The following TGIF1 variants were observed in gnomAD, a reference collection of about 807,000 sequenced individuals.
The protein encoded by TGIF1 is TGFB induced factor homeobox 1, also known as homeobox protein TGIF1.
Under a neutral mutation model 19.3 loss-of-function variants are expected in TGIF1, and 4 were observed. The observed-to-expected ratio is 0.21, with a 90% confidence interval of 0.10 to 0.47. The LOEUF (loss-of-function observed/expected upper bound fraction) is 0.47. TGIF1 is among the 20% of genes least tolerant of loss of function. The probability of loss-of-function intolerance (pLI) is 0.98; values close to 1 mark genes in which losing one functional copy is unlikely to be tolerated. For missense variants in TGIF1, 275 were observed against 341.4 expected (o/e 0.81, Z 1.53); for synonymous variants, 122 against 129.3 (o/e 0.94, Z 0.38).
chr18:3,415,346 G>T (rs371121858), intron 1 of TGIF1: 210 of 371,310 alleles, frequency 5.7e-4, no homozygotes, highest in African/African-American at 3.9e-3. Context: ...CTTATGATGC[G>T]CAAAAGCCTA....
chr18:3,435,487 C>T (rs773232340), intron 2 of TGIF1, among the ~76,000 whole-genome samples: 11 of 152,072 alleles, frequency 7.2e-5, no homozygotes, highest in South Asian at 2.1e-4. Flanking sequence ...TGTGAGCCAC[C>T]GCTCCCGGCC....
At chr18:3,423,002 T>C (rs1040313807) in intron 2 of TGIF1, among the ~76,000 whole-genome samples, 7 of 152,148 alleles carry the variant, frequency 4.6e-5, no homozygotes, top group African/African-American at 1.2e-4. Flanking sequence ...TTTTGTCTTT[T>C]ATGCCATATT....
chr18:3,448,456 AG>A, upstream of TGIF1: 1 of 992,518 alleles, frequency 1.0e-6, no homozygotes, highest in Non-Finnish European at 1.2e-6. Context: ...AGGTCCGGGA[AG>A]GAACTGTGCT....
At chr18:3,450,641 T>G (rs1290277796) in intron 1 of TGIF1, 136 bp downstream of exon 1, 2 of 1,512,898 alleles carry the variant, frequency 1.3e-6, no homozygotes, top group Non-Finnish European at 1.8e-6. Flanking sequence ...CCGTGCTCTT[T>G]GTTGAGGCTG....
chr18:3,445,756 G>GA (rs1568041628), upstream of TGIF1, among the ~76,000 whole-genome samples: 21 of 22,714 alleles, frequency 9.2e-4, no homozygotes, highest in African/African-American at 1.3e-3. Context: ...AAAAAAAAGA[G>GA]AAGAAAAGCA....
At chr18:3,439,774 A>G (rs1431642311) in intron 2 of TGIF1, among the ~76,000 whole-genome samples, 1 of 152,090 alleles carries the variant, frequency 6.6e-6, no homozygotes. Flanking sequence ...TAATCCCAGC[A>G]CTTGGGGAAG....
At chr18:3,421,961 A>G (rs2082403995) in intron 2 of TGIF1, among the ~76,000 whole-genome samples, 5 of 151,984 alleles carry the variant, frequency 3.3e-5, no homozygotes, top group South Asian at 2.1e-4. Context: ...TGCGAGGCTG[A>G]GGTGAGCAGA....
At chr18:3,430,790 G>A (rs2082537219) in intron 2 of TGIF1, among the ~76,000 whole-genome samples, 1 of 151,816 alleles carries the variant, frequency 6.6e-6, no homozygotes, top group African/African-American at 2.4e-5. Context: ...GGGATTATAG[G>A]CACAAGCCAC....
upstream of TGIF1, chr18:3,449,838 G>A: frequency 1.0e-6 from 1 of 985,494 alleles, no homozygotes; most frequent in Non-Finnish European, 1.2e-6. Context: ...TCCATCTGTT[G>A]CAGTTTCCGA....
At position 3,450,527 on chromosome 18, in the gene TGIF1, C is replaced by G. The variant is rs1163923772; in HGVS notation, c.16+22C>G. The G allele has an allele frequency of 7.1e-6, 11 of 1,558,866 alleles. No individual in the cohort carries two copies. In the Admixed American group the frequency reaches 1.9e-4, roughly 27 times the overall value. ...AAAGGTAAGGCGGCCGCGGGCTGCG[C>G]GCACCAGAAGACGCGAGTCCGGGGA... is the stretch of plus-strand genomic sequence containing the variant. On this transcript the variant is annotated intron_variant, in intron 1 of 2. Coordinates refer to ENST00000343820, the MANE Select transcript of TGIF1 (RefSeq NM_003244.4).
chr18:3,450,828 T>G (rs971322004), intron 1 of TGIF1, among the ~76,000 whole-genome samples: 27 of 152,286 alleles, frequency 1.8e-4, no homozygotes, highest in Admixed American at 1.6e-3. Context: ...GCCGCGTGGC[T>G]TCTCGCTCTT....
chr18:3,415,115 A>C (rs2082314705), intron 1 of TGIF1: 1 of 159,546 alleles, frequency 6.3e-6, no homozygotes, highest in African/African-American at 2.4e-5. Context: ...GGTCTCCCTC[A>C]ATGGCTGAGA....
At chr18:3,412,169 C>T (rs11571505) in exon 1 of TGIF1, 93,204 of 152,182 alleles carry the variant, frequency 0.61, 29,778 homozygotes, top group African/African-American at 0.81. Flanking sequence ...GCGGTTCCGG[C>T]CCCGCCGCGA....
At chr18:3,452,176 C>T (rs1383289602) in intron 1 of TGIF1, 1 of 1,613,304 alleles carries the variant, frequency 6.2e-7, no homozygotes, top group African/African-American at 1.3e-5. Context: ...GCGCCGTGGT[C>T]CTCCCTGGCG....
In TGIF1 at chr18:3,451,661, T is replaced by A; in HGVS notation, c.16+1156T>A. On this transcript the variant is annotated intron_variant, in intron 1 of 2. Transcript: ENST00000343820. The surrounding 1 kb of genome is among the most constrained non-coding windows in gnomAD (Gnocchi z 5.4). ...TAGCCTCAAGGCCAGCGGGGTTCCT[T>A]CGGCTGCGTTTCTGTGGGAGGCCCT... 22 of 1,149,362 alleles carry A rather than the reference T, an allele frequency of 1.9e-5. No homozygotes were observed. The highest frequency in any genetic ancestry group is 2.4e-5 in the Non-Finnish European group (22 of 935,658). 71.2% of individuals were successfully genotyped at this position (1,149,362 alleles called of 1,614,324 possible). A position where few individuals can be genotyped will look rare whatever the true frequency, so the allele number is the denominator to read the frequency against.
chr18:3,415,390 T>G (rs2082319317), intron 1 of TGIF1: 1 of 471,634 alleles, frequency 2.1e-6, no homozygotes, highest in Non-Finnish European at 4.3e-6. Context: ...TGAGATTCAG[T>G]CAGGGACATT....
chr18:3,446,425 C>A (rs2082747813), upstream of TGIF1, among the ~76,000 whole-genome samples: 1 of 152,160 alleles, frequency 6.6e-6, no homozygotes, highest in Non-Finnish European at 1.5e-5. Flanking sequence ...CTCAGGTGAT[C>A]CACCCACCTC....
At chr18:3,436,504 G>A (rs912130891) in intron 2 of TGIF1, among the ~76,000 whole-genome samples, 8 of 152,142 alleles carry the variant, frequency 5.3e-5, no homozygotes, top group African/African-American at 1.9e-4. Flanking sequence ...TAAATCTATA[G>A]GCCCCAGATT....
chr18:3,438,456 T>A (rs1046414768), intron 2 of TGIF1, among the ~76,000 whole-genome samples: 1 of 152,058 alleles, frequency 6.6e-6, no homozygotes, highest in South Asian at 2.1e-4. Flanking sequence ...GAATGTTATG[T>A]TTTAAAACTT....
Sources: allele counts gnomAD v4.1 joint callset (sites outside exome capture counted in the v4.1 genomes callset), GRCh38; gene constraint gnomAD v4.1.1; non-coding constraint Gnocchi (gnomAD v3.1); transcripts MANE v1.5; gene names NCBI Gene and HGNC (gene_info 2026-07-23, HGNC 2026-07-21).